AAMDC: variants seen among roughly 807,000 people sequenced by gnomAD.
AAMDC encodes mth938 domain-containing protein.
In AAMDC, 16 loss-of-function variants were observed where a neutral mutation model predicts 15.5. The ratio of observed to expected loss-of-function variants is 1.03; its 90% CI spans 0.70 to 1.57. The LOEUF (loss-of-function observed/expected upper bound fraction) is 1.57, where lower values mean the gene tolerates loss of function less well. AAMDC is among the 40% of genes most tolerant of loss of function. The probability of loss-of-function intolerance (pLI) is 0.00; values close to 1 mark genes in which losing one functional copy is unlikely to be tolerated. For synonymous variants in AAMDC, 51 were observed against 51.6 expected (o/e 0.99, Z 0.05); for missense variants, 141 against 144.9 (o/e 0.97, Z 0.14).
rs1002470900 is a variant in AAMDC at position 77,842,398 on chromosome 11, C to A, written c.-18-81C>A. Reference sequence around the variant, plus strand: ...AGATGCTTCTTAAATCATGGAGAATCAGGGCTTAGTATCACTGTATTTTCA... The same window carrying A: ...AGATGCTTCTTAAATCATGGAGAATAAGGGCTTAGTATCACTGTATTTTCA... On this transcript the variant is annotated intron_variant, in intron 1 of 3. Coordinates refer to ENST00000393427, the MANE Select transcript of AAMDC (RefSeq NM_024684.4). 8.5e-6 allele frequency: 11 copies of A among 1,296,416 alleles called. No homozygotes were observed. In the African/African-American group the frequency reaches 1.5e-4, roughly 18 times the overall value. The allele number at this position is 1,296,416 out of a possible 1,614,324, so 80.3% of individuals were successfully genotyped here.
intron 2 of AAMDC, among the ~76,000 whole-genome samples, chr11:77,855,839 C>T (rs951496269): frequency 6.6e-6 from 1 of 151,466 alleles, no homozygotes; most frequent in African/African-American, 2.4e-5. Context: ...GTGGCTCATC[C>T]CTGTAATCCC....
At chr11:77,852,731 C>G (rs1012710374) in intron 2 of AAMDC, among the ~76,000 whole-genome samples, 8 of 152,042 alleles carry the variant, frequency 5.3e-5, no homozygotes, top group Admixed American at 1.3e-4. Context: ...AAAAAATAAG[C>G]AAATACAAAA....
chr11:77,886,916 A>G (rs1952039787), intron 5 of AAMDC, among the ~76,000 whole-genome samples: 1 of 152,148 alleles, frequency 6.6e-6, no homozygotes, highest in Non-Finnish European at 1.5e-5. Context: ...CAAAGACACA[A>G]CATACCAGAA....
At chr11:77,831,812 C>T (rs1949439354) in intron 1 of AAMDC, 1 of 151,814 alleles carries the variant, frequency 6.6e-6, no homozygotes, top group African/African-American at 2.5e-5. Flanking sequence ...TCTCGTGCCT[C>T]AGTCTCCCAA....
downstream of AAMDC, chr11:77,872,417 C>A: frequency 7.2e-7 from 1 of 1,393,346 alleles, no homozygotes; most frequent in African/African-American, 1.4e-5. Flanking sequence ...GACACCTACT[C>A]ATGCCAGGTC....
chr11:77,897,618 A>G (rs1208018257), intron 5 of AAMDC, among the ~76,000 whole-genome samples: 1 of 149,764 alleles, frequency 6.7e-6, no homozygotes, highest in Admixed American at 6.6e-5. Flanking sequence ...CTCCTGCCTC[A>G]GCCTCCCGAG....
chr11:77,894,907 G>C (rs1952444651), intron 5 of AAMDC, among the ~76,000 whole-genome samples: 1 of 152,162 alleles, frequency 6.6e-6, no homozygotes, highest in Non-Finnish European at 1.5e-5. Context: ...TGGTCTACAT[G>C]CAATTTACTC....
intron 2 of AAMDC, among the ~76,000 whole-genome samples, chr11:77,858,403 C>CGGCTCGAATGCT (rs148549048): frequency 0.17 from 24,619 of 146,414 alleles, 2,491 homozygotes; most frequent in African/African-American, 0.27. Context: ...TTGCCATTGC[C>CGGCTCGAATGCT]GGCTCGAATG....
chr11:77,830,598 ACT>A (rs893586729), intron 1 of AAMDC, among the ~76,000 whole-genome samples: 3 of 147,942 alleles, frequency 2.0e-5, no homozygotes, highest in Non-Finnish European at 3.0e-5. Flanking sequence ...TTCCAAATAT[ACT>A]CTTTTGTCTC....
intron 2 of AAMDC, among the ~76,000 whole-genome samples, chr11:77,848,801 T>C (rs1412272650): frequency 6.6e-5 from 10 of 152,070 alleles, no homozygotes. Context: ...CATATTGTTA[T>C]CCTCTTATAT....
chr11:77,853,244 T>C (rs1337224064), intron 2 of AAMDC, among the ~76,000 whole-genome samples: 1 of 152,206 alleles, frequency 6.6e-6, no homozygotes, highest in Non-Finnish European at 1.5e-5. Context: ...CATTCTTGCA[T>C]TGCTATAAAG....
intron 2 of AAMDC, among the ~76,000 whole-genome samples, chr11:77,852,916 A>C (rs1252930643): frequency 6.6e-6 from 1 of 152,134 alleles, no homozygotes. Flanking sequence ...TTGTGAATGT[A>C]ATATTGTTTA....
downstream of AAMDC, chr11:77,877,049 G>C: frequency 2.8e-6 from 2 of 702,938 alleles, no homozygotes; most frequent in Non-Finnish European, 5.2e-6. Flanking sequence ...ATGCAAAACA[G>C]GTAAGCACAC....
downstream of AAMDC, among the ~76,000 whole-genome samples, chr11:77,876,679 C>T (rs1044294444): frequency 2.6e-5 from 4 of 152,128 alleles, no homozygotes; most frequent in African/African-American, 9.7e-5. Context: ...AAGCCAAAAC[C>T]TGTCCCTTAG....
At chr11:77,847,565 G>C (rs988877405) in intron 2 of AAMDC, among the ~76,000 whole-genome samples, 5 of 152,170 alleles carry the variant, frequency 3.3e-5, no homozygotes, top group Admixed American at 6.5e-5. Context: ...AGATATAGAA[G>C]GGACAGAATG....
At chr11:77,904,736 A>G (rs1465674100), downstream of AAMDC, among the ~76,000 whole-genome samples, 1 of 152,212 alleles carries the variant, frequency 6.6e-6, no homozygotes, top group Non-Finnish European at 1.5e-5. Flanking sequence ...TGGGGATTAG[A>G]TCATAATCCC....
chr11:77,831,907 A>G (rs907230819), intron 1 of AAMDC: 2 of 125,064 alleles, frequency 1.6e-5, no homozygotes, highest in African/African-American at 6.4e-5. Context: ...ATGAGGTTTC[A>G]CCATGTTGGC....
intron 2 of AAMDC, among the ~76,000 whole-genome samples, chr11:77,857,539 A>G (rs2136228267): frequency 6.6e-6 from 1 of 152,298 alleles, no homozygotes; most frequent in East Asian, 1.9e-4. Context: ...AGATCCATCC[A>G]AGCCTTGGAT....
At chr11:77,891,514 G>A (rs1389079480) in intron 5 of AAMDC, 1 of 1,603,122 alleles carries the variant, frequency 6.2e-7, no homozygotes, top group Admixed American at 1.7e-5. Context: ...ATTCCTGGAT[G>A]AGAAAACGCA....
Sources: allele counts gnomAD v4.1 joint callset (sites outside exome capture counted in the v4.1 genomes callset), GRCh38; gene constraint gnomAD v4.1.1; transcripts MANE v1.5; gene names NCBI Gene and HGNC (gene_info 2026-07-23, HGNC 2026-07-21).